The following DIO2 variants were observed in gnomAD, a reference collection of about 807,000 sequenced individuals.
DIO2 encodes the protein iodothyronine deiodinase 2, also known as type II iodothyronine deiodinase.
A neutral mutation model predicts 21.4 loss-of-function variants in DIO2; 19 were observed. The ratio of observed to expected loss-of-function variants is 0.89; its 90% confidence interval spans 0.62 to 1.30. The LOEUF is 1.30. DIO2 is among the 50% of genes most tolerant of loss of function. The pLI is 0.00. For missense variants in DIO2, 302 were observed against 338.1 expected (o/e 0.89, Z 0.84); for synonymous variants, 122 against 132.9 (o/e 0.92, Z 0.57).
chr14:80,210,270 C>A (rs1237345535), intron 1 of DIO2, among the ~76,000 whole-genome samples: 1 of 152,066 alleles, frequency 6.6e-6, no homozygotes, highest in East Asian at 1.9e-4. Context: ...GACAAAAGAC[C>A]AGGGCGAAAA....
In DIO2 at chr14:80,197,666, A is replaced by G. The variant is rs1472440979; in HGVS notation, c.*5023T>C. The G allele has an allele frequency of 2.0e-5, 3 of 152,638 alleles. No individual in the cohort carries two copies. The highest frequency in any genetic ancestry group is 4.4e-5 in the Non-Finnish European group (3 of 68,038). The allele number at this position is 152,638 out of a possible 1,614,324, so 9.5% of individuals were successfully genotyped here. On this transcript the variant is annotated 3_prime_UTR_variant, in exon 2 of 2. Coordinates refer to ENST00000438257, the MANE Select transcript of DIO2 (RefSeq NM_013989.5). Reference sequence around the variant, plus strand: ...TTCATTTTCTGCAACTGAGAAGCACATATGTGTAGCATATGCACGCGTGCA... The same window carrying G: ...TTCATTTTCTGCAACTGAGAAGCACGTATGTGTAGCATATGCACGCGTGCA...
intron 2 of DIO2, among the ~76,000 whole-genome samples, chr14:80,219,716 T>C (rs1888428515): frequency 6.6e-6 from 1 of 152,086 alleles, no homozygotes; most frequent in African/African-American, 2.4e-5. Flanking sequence ...TAGAACTGAA[T>C]CGTACAGTAG....
At chr14:80,230,473 G>C (rs767604561) in intron 2 of DIO2, among the ~76,000 whole-genome samples, 6 of 152,170 alleles carry the variant, frequency 3.9e-5, no homozygotes, top group Non-Finnish European at 8.8e-5. Context: ...CCAGGAGACA[G>C]AATCCCTGAA....
intron 1 of DIO2, among the ~76,000 whole-genome samples, chr14:80,207,177 G>A (rs551628128): frequency 2.0e-5 from 3 of 152,146 alleles, no homozygotes; most frequent in South Asian, 2.1e-4. Flanking sequence ...AGACATCTCC[G>A]GGCCAAGTTC....
At position 80,211,408 on chromosome 14, in the gene DIO2, C is replaced by A. The variant is rs774131479; in HGVS notation, c.65G>T (p.Cys22Phe). 6.2e-7 allele frequency: 1 copy of A among 1,613,180 alleles called. No homozygotes were observed. Among genetic ancestry groups the A allele is most frequent in the Non-Finnish European group, 8.5e-7 (1 of 1,179,712 alleles). Residue 22 changes from cysteine to phenylalanine, a missense_variant, in exon 1 of 2, where the codon TGC (cysteine) becomes TTC (phenylalanine). Coordinates refer to ENST00000438257, the MANE Select transcript of DIO2 (RefSeq NM_013989.5). The part of the protein sequence containing the change: ...LQILPVFFSN[C>F]LFLALYDSVI... ...CGAGTCATAGAGAGCCAGGAAGAGG[C>A]AGTTGGAGAAAAAAACTGGCAGAAT...
chr14:80,205,771 T>C, intron 1 of DIO2: 1 of 1,231,776 alleles, frequency 8.1e-7, no homozygotes, highest in Non-Finnish European at 1.0e-6. Flanking sequence ...ACCAAATTCG[T>C]AATGCTCTTT....
chr14:80,224,569 T>C (rs936479885), intron 2 of DIO2, among the ~76,000 whole-genome samples: 6 of 144,654 alleles, frequency 4.1e-5, no homozygotes, highest in African/African-American at 1.3e-4. Context: ...ACAATGAGAC[T>C]TGAAAAGCAA....
rs1278363635 is a variant in DIO2, at chr14:80,199,688, A to G, written c.*3001T>C. On this transcript the variant is annotated 3_prime_UTR_variant, in exon 2 of 2. Transcript: ENST00000438257. ...AAACAATAAGTGTTTGAGTAGACCC[A>G]GATGTTATGATAATATCTAAAATTT... is the stretch of plus-strand genomic sequence containing the variant. The G allele has an allele frequency of 6.6e-6, 1 of 152,668 alleles. No individual in the cohort carries two copies. Among genetic ancestry groups the G allele is most frequent in the African/African-American group, 2.4e-5 (1 of 41,460 alleles). 9.5% of individuals were successfully genotyped at this position (152,668 alleles called of 1,614,324 possible).
Position 80,197,970 on chromosome 14 carries a change from G to A in DIO2, c.*4719C>T, listed in dbSNP as rs1257409613. On this transcript the variant is annotated 3_prime_UTR_variant, in exon 2 of 2. Coordinates refer to ENST00000438257, the MANE Select transcript of DIO2 (RefSeq NM_013989.5). ...ATTCCCTACCCAATATCATTTAATT[G>A]CTTTGGTTATAAAGTACTGGATACT... 2 of 152,596 alleles carry A rather than the reference G, an allele frequency of 1.3e-5. No homozygotes were observed. The highest frequency in any genetic ancestry group is 2.9e-5 in the Non-Finnish European group (2 of 68,044). The allele number at this position is 152,596 out of a possible 1,614,324, so 9.5% of individuals were successfully genotyped here. A position where few individuals can be genotyped will look rare whatever the true frequency, so the allele number is the denominator to read the frequency against.
At chr14:80,225,449 T>A (rs1364338783) in intron 2 of DIO2, among the ~76,000 whole-genome samples, 1 of 152,240 alleles carries the variant, frequency 6.6e-6, no homozygotes, top group Non-Finnish European at 1.5e-5. Context: ...ATAAATCTTA[T>A]GCTCCATGAT....
chr14:80,213,369 G>T (rs1888271862), upstream of DIO2, among the ~76,000 whole-genome samples: 1 of 152,202 alleles, frequency 6.6e-6, no homozygotes, highest in African/African-American at 2.4e-5. Flanking sequence ...GTAGGTGCAA[G>T]CTTGTGGTTA....
At chr14:80,229,297 G>A (rs1402293504) in intron 2 of DIO2, among the ~76,000 whole-genome samples, 1 of 152,096 alleles carries the variant, frequency 6.6e-6, no homozygotes, top group Non-Finnish European at 1.5e-5. Flanking sequence ...TGTCTCTACT[G>A]TCCATTACAA....
intron 1 of DIO2, chr14:80,205,672 A>G: frequency 7.5e-7 from 1 of 1,333,578 alleles, no homozygotes; most frequent in South Asian, 1.2e-5. Flanking sequence ...TCAGCTGCAG[A>G]ATTCTTTCCA....
chr14:80,210,739 T>C (rs888312558), intron 1 of DIO2, among the ~76,000 whole-genome samples: 2 of 152,180 alleles, frequency 1.3e-5, no homozygotes, highest in African/African-American at 4.8e-5. Flanking sequence ...GCAGCTATGA[T>C]GCCCAATCAC....
chr14:80,226,639 G>A (rs1309264268), intron 2 of DIO2, among the ~76,000 whole-genome samples: 2 of 152,194 alleles, frequency 1.3e-5, no homozygotes, highest in African/African-American at 4.8e-5. Context: ...CTCAGCAATG[G>A]CTATAGCCAG....
chr14:80,204,019 T>C (rs1005785794), intron 1 of DIO2, among the ~76,000 whole-genome samples: 2 of 152,196 alleles, frequency 1.3e-5, no homozygotes, highest in African/African-American at 4.8e-5. Flanking sequence ...GTTGTCCTTA[T>C]CAGATGCTAC....
At position 80,224,743 on chromosome 14, in the gene DIO2, G is replaced by A. The variant is rs1888537919; in HGVS notation, c.-277-8006C>T. ...AGAATATTTAAACTGTTGAACACAA[G>A]CTAAATGTTCCTGTTTTGTAAAAAC... On this transcript the variant is annotated intron_variant, in intron 2 of 4. Coordinates refer to the DIO2 transcript ENST00000553594. 2.0e-5 allele frequency among the ~76,000 whole-genome samples: 3 copies of A among 152,154 alleles called. No homozygotes were observed. The South Asian group carries it at 6.2e-4, about 32-fold the overall frequency.
At chr14:80,224,847 A>C (rs1292610411) in intron 2 of DIO2, among the ~76,000 whole-genome samples, 1 of 152,184 alleles carries the variant, frequency 6.6e-6, no homozygotes, top group East Asian at 1.9e-4. Flanking sequence ...CAGAACTAAT[A>C]GGATAGATAT....
rs772714324 is a variant in DIO2 at position 80,203,015 on chromosome 14, G to GA, written c.495dup (p.Pro166SerfsTer?). 1 of 1,613,890 alleles carries GA rather than the reference G, an allele frequency of 6.2e-7. No homozygotes were observed. Among genetic ancestry groups the GA allele is most frequent in the South Asian group, 1.1e-5 (1 of 91,074 alleles). ...CCCGGTATCGCCCAGCCATCTGATG[G>GA]ATGAGCCTCATCAATGTAGACCAGC... On this transcript the variant is annotated frameshift_variant, in exon 2 of 2. Transcript: ENST00000438257. LOFTEE classifies it high-confidence loss of function.
Sources: gnomAD v4.1 joint callset for allele counts (sites outside exome capture counted in the v4.1 genomes callset) on GRCh38, gnomAD v4.1.1 for gene constraint, MANE v1.5 for transcripts, NCBI Gene and HGNC (gene_info 2026-07-23, HGNC 2026-07-21) for gene names.